The following TG variants were observed in gnomAD, a reference collection of about 807,000 sequenced individuals.
The protein encoded by TG is thyroglobulin.
TG carries 270 observed loss-of-function variants against 324.7 expected under a neutral mutation model. The observed-to-expected ratio is 0.83, with a 90% CI of 0.75 to 0.92. The LOEUF (loss-of-function observed/expected upper bound fraction) is 0.92, where lower values mean the gene tolerates loss of function less well. TG is among the 40% of genes least tolerant of loss of function. The probability of loss-of-function intolerance (pLI) is 0.00; values close to 1 mark genes in which losing one functional copy is unlikely to be tolerated. For missense variants in TG, 3,591 were observed against 3,456.4 expected (o/e 1.04, Z -0.98); for synonymous variants, 1,401 against 1,327.0 (o/e 1.06, Z -1.21).
intron 41 of TG, 34 bp from the exon 42 acceptor site, chr8:133,095,010 G>A (rs747280181): frequency 6.2e-7 from 1 of 1,612,196 alleles, no homozygotes; most frequent in Non-Finnish European, 8.5e-7. Flanking sequence ...AAGATGATCT[G>A]AACCATCTGC....
chr8:133,060,294 T>C, intron 41 of TG: 1 of 1,578,286 alleles, frequency 6.3e-7, no homozygotes, highest in South Asian at 1.1e-5. Flanking sequence ...GCATCATTTT[T>C]CTGGCAGCTT....
At chr8:132,884,590 C>T (rs974429877) in intron 8 of TG, among the ~76,000 whole-genome samples, 48 of 152,046 alleles carry the variant, frequency 3.2e-4, no homozygotes, top group Admixed American at 3.3e-4. Context: ...GTGAGAATGT[C>T]GAAAAAGAAA....
At position 132,971,781 on chromosome 8, in the gene TG, C is replaced by T. The variant is rs779117512; in HGVS notation, c.5976-13C>T. 8 of 1,606,440 alleles carry T rather than the reference C, an allele frequency of 5.0e-6. No individual in the cohort carries two copies. In the Admixed American group the frequency reaches 1.3e-4, roughly 27 times the overall value. On this transcript the variant is annotated splice_polypyrimidine_tract_variant and intron_variant, in intron 32 of 47. Coordinates refer to ENST00000220616, the MANE Select transcript of TG (RefSeq NM_003235.5). ...GAAAACCTTCAGGCCTGCTCTTTCT[C>T]TTCCTATGCCAGGTTCTTTGAATGT...
intron 45 of TG, among the ~76,000 whole-genome samples, chr8:133,126,802 A>C (rs1588146478): frequency 1.3e-5 from 2 of 152,010 alleles, no homozygotes; most frequent in Admixed American, 6.6e-5. Flanking sequence ...TAAAAAAAAA[A>C]ACAAAAAAAC....
chr8:133,002,199 T>A (rs904641581), intron 35 of TG: 1 of 985,304 alleles, frequency 1.0e-6, no homozygotes, highest in Non-Finnish European at 1.2e-6. Flanking sequence ...AGGGAGGCAA[T>A]GGCCAGAGCA....
intron 40 of TG, among the ~76,000 whole-genome samples, chr8:133,023,717 A>C (rs1485974140): frequency 6.6e-6 from 1 of 152,188 alleles, no homozygotes; most frequent in East Asian, 1.9e-4. Context: ...TTTCCCAGAC[A>C]TGGCTGTCTT....
Position 133,083,219 on chromosome 8 carries a change from T to C in TG, c.7240-11825T>C, listed in dbSNP as rs549664820. On this transcript the variant is annotated intron_variant, in intron 41 of 47. Transcript: ENST00000220616. ...TCATTATTTATTATTGGTAATACTT[T>C]ATAACCTGTAAAACACTATACAGTT... 2.6e-5 allele frequency among the ~76,000 whole-genome samples: 4 copies of C among 152,364 alleles called. No individual in the cohort carries two copies. The South Asian group carries it at 8.3e-4, about 32-fold the overall frequency.
intron 41 of TG, among the ~76,000 whole-genome samples, chr8:133,034,702 A>G (rs1836920562): frequency 6.6e-6 from 1 of 152,068 alleles, no homozygotes; most frequent in Admixed American, 6.5e-5. Context: ...GGGGCAGTCC[A>G]GGTGTCTCTG....
chr8:133,067,512 AC>A (rs1843200512), intron 41 of TG, among the ~76,000 whole-genome samples: 1 of 152,124 alleles, frequency 6.6e-6, no homozygotes, highest in Admixed American at 6.5e-5. Context: ...GATATTTCAA[AC>A]ACCTGGAATC....
At chr8:132,998,856 C>T (rs1438302570) in intron 35 of TG, among the ~76,000 whole-genome samples, 2 of 152,102 alleles carry the variant, frequency 1.3e-5, no homozygotes, top group African/African-American at 2.4e-5. Context: ...TTGAAGCAGA[C>T]AAGAAACTGA....
At chr8:133,068,121 C>G (rs1056879940) in intron 41 of TG, among the ~76,000 whole-genome samples, 2 of 152,180 alleles carry the variant, frequency 1.3e-5, no homozygotes, top group African/African-American at 4.8e-5. Context: ...AGTAGCAACT[C>G]AACACTCTCA....
At position 132,888,060 on chromosome 8, in the gene TG, G is replaced by A; in HGVS notation, c.2253G>A (p.Met751Ile). Reference sequence around the variant, plus strand: ...AGGCCCTGCTCTCTAACTCCAGCATGCTACCCACCCTTTCCGACACCTACA... The same window carrying A: ...AGGCCCTGCTCTCTAACTCCAGCATACTACCCACCCTTTCCGACACCTACA... ...TVQALLSNSS[M>I]LPTLSDTYIP... Residue 751 changes from methionine (M) to isoleucine (I), a missense_variant, in exon 10 of 48, where the codon ATG becomes ATA. By Grantham distance (10) the Met-to-Ile change is conservative (BLOSUM62 1). Coordinates refer to ENST00000220616, the MANE Select transcript of TG (RefSeq NM_003235.5). 1.2e-6 allele frequency: 2 copies of A among 1,614,154 alleles called. No homozygotes were observed. Among genetic ancestry groups the A allele is most frequent in the Non-Finnish European group, 1.7e-6 (2 of 1,180,036 alleles).
rs760470737 is a variant in TG at position 133,011,927 on chromosome 8, G to A, written c.6289G>A (p.Ala2097Thr). 4 of 1,614,042 alleles carry A rather than the reference G, an allele frequency of 2.5e-6. No homozygotes were observed. Among genetic ancestry groups the A allele is most frequent in the Non-Finnish European group, 3.4e-6 (4 of 1,180,036 alleles). ...GTCTCTGGACTCGTGGCAGTCCCTG[G>A]CCCTCTCTTCAGTGGTTGTTGATCC... ...KVSLDSWQSLALSSVVVDPSI... is the reference protein window; with the variant it reads ...KVSLDSWQSLTLSSVVVDPSI... Residue 2097 changes from alanine (A) to threonine (T), a missense_variant, in exon 36 of 48, where the codon GCC becomes ACC. Physicochemically the swap from Ala to Thr is moderately conservative, Grantham distance 58 (BLOSUM62 0). Transcript: ENST00000220616.
At chr8:132,997,075 G>T (rs1045273002) in intron 35 of TG, among the ~76,000 whole-genome samples, 1 of 152,178 alleles carries the variant, frequency 6.6e-6, no homozygotes, top group African/African-American at 2.4e-5. Flanking sequence ...CACTTGTAAT[G>T]GTAGAATCTG....
intron 45 of TG, among the ~76,000 whole-genome samples, chr8:133,119,032 C>T (rs1215406820): frequency 6.6e-6 from 1 of 152,164 alleles, no homozygotes. Context: ...CAGTAGCAGC[C>T]AGAAACTGGG....
chr8:132,952,752 C>T (rs1413245640), intron 27 of TG, among the ~76,000 whole-genome samples: 1 of 152,194 alleles, frequency 6.6e-6, no homozygotes, highest in Non-Finnish European at 1.5e-5. Flanking sequence ...TCAATCGATC[C>T]TTTGGGCACT....
At chr8:133,117,244 A>G (rs986890983) in intron 45 of TG, among the ~76,000 whole-genome samples, 2 of 152,258 alleles carry the variant, frequency 1.3e-5, no homozygotes, top group Non-Finnish European at 2.9e-5. Context: ...GGGCCAAGCA[A>G]TGAGCATAGA....
intron 23 of TG, among the ~76,000 whole-genome samples, chr8:132,930,113 G>A (rs907029855): frequency 2.6e-5 from 4 of 152,208 alleles, no homozygotes; most frequent in Non-Finnish European, 4.4e-5. Flanking sequence ...CACTCTGAGT[G>A]TGAATCTGTT....
At chr8:133,013,118 A>G (rs1409842092) in intron 36 of TG, among the ~76,000 whole-genome samples, 1 of 152,262 alleles carries the variant, frequency 6.6e-6, no homozygotes, top group Non-Finnish European at 1.5e-5. Context: ...GAGCACATTT[A>G]TAAATTAAAT....
Sources: allele counts gnomAD v4.1 joint callset (sites outside exome capture counted in the v4.1 genomes callset), GRCh38; gene constraint gnomAD v4.1.1; transcripts MANE v1.5; gene names NCBI Gene and HGNC (gene_info 2026-07-23, HGNC 2026-07-21).